Variants in PLPPR5 observed in about 807,000 individuals in gnomAD.
PLPPR5 encodes the protein phospholipid phosphatase related 5.
A neutral mutation model predicts 33.9 loss-of-function variants in PLPPR5; 16 were observed. The ratio of observed to expected loss-of-function variants is 0.47; its 90% CI spans 0.32 to 0.72. The LOEUF (loss-of-function observed/expected upper bound fraction) is 0.72. Among genes scored for constraint, PLPPR5 ranks in the 30% least tolerant of loss-of-function variants. The pLI is 0.03. For missense variants in PLPPR5, 301 were observed against 406.7 expected, an observed-to-expected ratio of 0.74 and a Z score of 2.23; for synonymous variants, 163 against 150.3, an observed-to-expected ratio of 1.08 and a Z score of -0.62.
At chr1:98,960,517 A>G (rs1450866524) in intron 1 of PLPPR5, among the ~76,000 whole-genome samples, 1 of 152,200 alleles carries the variant, frequency 6.6e-6, no homozygotes, top group Non-Finnish European at 1.5e-5. Flanking sequence ...TCTCAGATAA[A>G]TTCAAATAAT....
At chr1:98,982,044 T>C (rs1482520419) in intron 1 of PLPPR5, among the ~76,000 whole-genome samples, 1 of 152,002 alleles carries the variant, frequency 6.6e-6, no homozygotes, top group Non-Finnish European at 1.5e-5. Context: ...ATGTATTGAG[T>C]CAAATGTTTC....
chr1:98,961,184 A>T (rs1016891211), intron 1 of PLPPR5, among the ~76,000 whole-genome samples: 1 of 152,172 alleles, frequency 6.6e-6, no homozygotes, highest in Non-Finnish European at 1.5e-5. Context: ...TTTTTCACAG[A>T]TGTTTTTTCT....
intron 1 of PLPPR5, among the ~76,000 whole-genome samples, chr1:98,976,012 G>GGCAGTTGT (rs1651836593): frequency 6.7e-6 from 1 of 150,140 alleles, no homozygotes; most frequent in South Asian, 2.1e-4. Context: ...ATAGAGTCAA[G>GGCAGTTGT]GCAGTTGTGG....
intron 1 of PLPPR5, among the ~76,000 whole-genome samples, chr1:98,972,062 G>A (rs1052852733): frequency 6.6e-6 from 1 of 151,960 alleles, no homozygotes; most frequent in African/African-American, 2.4e-5. Flanking sequence ...ATCATGAGTG[G>A]TGTTGGGCCC....
intron 1 of PLPPR5, among the ~76,000 whole-genome samples, chr1:98,975,677 G>C (rs1259809019): frequency 1.3e-5 from 2 of 151,974 alleles, no homozygotes; most frequent in Non-Finnish European, 2.9e-5. Context: ...TGGAAAAAGG[G>C]TCGGCTGGGA....
chr1:99,005,718 C>G (rs1442642043), upstream of PLPPR5, among the ~76,000 whole-genome samples: 3 of 152,154 alleles, frequency 2.0e-5, no homozygotes, highest in African/African-American at 7.2e-5. Context: ...TTCCAGGGAA[C>G]TGCAGGGATT....
Position 98,901,532 on chromosome 1 carries a change from G to A in PLPPR5, c.934-8428C>T, listed in dbSNP as rs572661611. Among the ~76,000 whole-genome samples, 9 of 152,208 alleles carry A rather than the reference G, an allele frequency of 5.9e-5. No individual in the cohort carries two copies. The East Asian group carries it at 1.7e-3, about 29-fold the overall frequency. On this transcript the variant is annotated intron_variant, in intron 5 of 5. Coordinates refer to ENST00000263177, the MANE Select transcript of PLPPR5 (RefSeq NM_001037317.2). ...AAGGCCAAGACATGTCTAAAATTTG[G>A]TGTGTCAGTTATTGAATTATTGTTT...
At chr1:98,922,260 C>T (rs1483646435) in intron 3 of PLPPR5, among the ~76,000 whole-genome samples, 1 of 152,074 alleles carries the variant, frequency 6.6e-6, no homozygotes, top group Non-Finnish European at 1.5e-5. Context: ...TTTTACTTAC[C>T]TCGTATGGCA....
At chr1:98,962,556 A>G (rs1651284970) in intron 1 of PLPPR5, among the ~76,000 whole-genome samples, 1 of 152,216 alleles carries the variant, frequency 6.6e-6, no homozygotes, top group African/African-American at 2.4e-5. Flanking sequence ...AAGCATACTC[A>G]GAACTTGCCT....
intron 4 of PLPPR5, among the ~76,000 whole-genome samples, chr1:98,916,942 G>A (rs1417123060): frequency 6.6e-6 from 1 of 152,144 alleles, no homozygotes; most frequent in Non-Finnish European, 1.5e-5. Context: ...TACATTATCA[G>A]ACAGTTCTCC....
At chr1:98,906,795 T>G (rs2793338) in intron 5 of PLPPR5, among the ~76,000 whole-genome samples, 150,026 of 152,242 alleles carry the variant, frequency 0.99, 73,954 homozygotes, top group East Asian at 1. Context: ...AACCCTTCCA[T>G]CTTAAAGATT....
intron 5 of PLPPR5, among the ~76,000 whole-genome samples, chr1:98,893,737 T>C (rs1245819443): frequency 2.0e-5 from 3 of 146,894 alleles, no homozygotes; most frequent in East Asian, 2.1e-4. Flanking sequence ...CCTGCTGAAA[T>C]ACTGCAATGA....
chr1:98,957,504 T>C (rs1651059511), intron 1 of PLPPR5, among the ~76,000 whole-genome samples: 1 of 152,078 alleles, frequency 6.6e-6, no homozygotes, highest in African/African-American at 2.4e-5. Context: ...TAAGTTACTG[T>C]GTCTTATTTA....
At chr1:98,997,622 T>A (rs1304495614) in intron 1 of PLPPR5, among the ~76,000 whole-genome samples, 1 of 152,198 alleles carries the variant, frequency 6.6e-6, no homozygotes, top group African/African-American at 2.4e-5. Flanking sequence ...TACATTTTTT[T>A]AATCTTTGCT....
chr1:98,960,720 G>A (rs1651214415), intron 1 of PLPPR5, among the ~76,000 whole-genome samples: 1 of 152,092 alleles, frequency 6.6e-6, no homozygotes, highest in Admixed American at 6.5e-5. Context: ...TACATGCTAG[G>A]AGAACACTTA....
Position 98,979,182 on chromosome 1 carries a change from T to C in PLPPR5, c.238-22441A>G, listed in dbSNP as rs532988227. The stretch of plus-strand genomic sequence containing the variant: ...TTAGGTTATTTCTGTATGATTTTTA[T>C]GTTGACTGTAAACTTCCTGAGGTCA... On this transcript the variant is annotated intron_variant, in intron 1 of 5. Transcript: ENST00000263177. Among the ~76,000 whole-genome samples the C allele has an allele frequency of 3.3e-5, 5 of 152,220 alleles. No homozygotes were observed. The South Asian group carries it at 1.0e-3, about 32-fold the overall frequency.
chr1:98,930,210 A>G (rs1434679691), intron 3 of PLPPR5, among the ~76,000 whole-genome samples: 2 of 152,320 alleles, frequency 1.3e-5, no homozygotes, highest in Non-Finnish European at 2.9e-5. Flanking sequence ...TACATAAATA[A>G]AAAATTTAAG....
intron 3 of PLPPR5, among the ~76,000 whole-genome samples, chr1:98,929,047 G>C (rs1343272208): frequency 6.6e-6 from 1 of 152,100 alleles, no homozygotes; most frequent in Non-Finnish European, 1.5e-5. Context: ...TATTTAGTCA[G>C]TGTAAGCTTT....
At chr1:98,969,701 C>G (rs1324286370) in intron 1 of PLPPR5, among the ~76,000 whole-genome samples, 1 of 151,690 alleles carries the variant, frequency 6.6e-6, no homozygotes, top group Non-Finnish European at 1.5e-5. Context: ...TGTCTGGTAG[C>G]AAACAGTAAA....
Sources: allele counts gnomAD v4.1 joint callset (sites outside exome capture counted in the v4.1 genomes callset), GRCh38; gene constraint gnomAD v4.1.1; transcripts MANE v1.5; gene names NCBI Gene and HGNC (gene_info 2026-07-23, HGNC 2026-07-21).